BMP2K: variants seen among roughly 807,000 people sequenced by gnomAD.
BMP2K encodes the protein BMP-2-inducible protein kinase.
In BMP2K, 74 loss-of-function variants were observed where a neutral mutation model predicts 116.0. The ratio of observed to expected loss-of-function variants is 0.64; its 90% CI spans 0.53 to 0.77. The LOEUF is 0.77. Among genes scored for constraint, BMP2K ranks in the 30% least tolerant of loss-of-function variants. The pLI, the probability that BMP2K is intolerant of heterozygous loss-of-function variation, is 0.00. For synonymous variants in BMP2K, 486 were observed against 502.5 expected (o/e 0.97, Z 0.44); for missense variants, 1,365 against 1,403.6 (o/e 0.97, Z 0.44).
intron 14 of BMP2K, among the ~76,000 whole-genome samples, chr4:78,884,592 G>T (rs942226434): frequency 5.9e-5 from 9 of 152,134 alleles, no homozygotes; most frequent in Non-Finnish European, 1.0e-4. Context: ...TTATCATTCT[G>T]AGTCAGTCTC....
At chr4:78,870,717 G>T in intron 10 of BMP2K, 66 bp from the exon 11 acceptor site, 2 of 1,535,102 alleles carry the variant, frequency 1.3e-6, no homozygotes, top group East Asian at 4.5e-5. Context: ...AAATGAGCAT[G>T]TTGAAATCCA....
chr4:78,808,769 A>G (rs901265351), intron 1 of BMP2K, among the ~76,000 whole-genome samples: 24 of 151,706 alleles, frequency 1.6e-4, no homozygotes, highest in African/African-American at 5.8e-4. Flanking sequence ...GAATTTCTCA[A>G]ATTTCTTTTT....
intron 15 of BMP2K, among the ~76,000 whole-genome samples, chr4:78,900,142 C>G (rs760306137): frequency 6.6e-6 from 1 of 152,152 alleles, no homozygotes; most frequent in Non-Finnish European, 1.5e-5. Context: ...AATGTGAAGA[C>G]GATGAGGATG....
At position 78,876,604 on chromosome 4, in the gene BMP2K, A is replaced by G. The variant is rs986552033; in HGVS notation, c.1794-2130A>G. ...TAAGACCTGTTTGGTGGCAATGGCA[A>G]TGAGCTCTCAACGGTTAGGTAAATT... is the stretch of plus-strand genomic sequence containing the variant. On this transcript the variant is annotated intron_variant, in intron 13 of 15. Coordinates refer to ENST00000502613, the MANE Select transcript of BMP2K (RefSeq NM_198892.2). 4.1e-4 allele frequency among the ~76,000 whole-genome samples: 62 copies of G among 152,200 alleles called. 1 individual carries two copies. Among genetic ancestry groups the G allele is most frequent in the Admixed American group, 6.5e-5 (1 of 15,274 alleles).
intron 15 of BMP2K, among the ~76,000 whole-genome samples, chr4:78,901,107 A>G (rs1733976564): frequency 6.6e-6 from 1 of 152,152 alleles, no homozygotes; most frequent in South Asian, 2.1e-4. Context: ...CAGTGGCGTG[A>G]TCATAGGCTT....
At chr4:78,891,266 T>C (rs762724283) in intron 15 of BMP2K, among the ~76,000 whole-genome samples, 1 of 152,126 alleles carries the variant, frequency 6.6e-6, no homozygotes, top group African/African-American at 2.4e-5. Flanking sequence ...TTTCTTCTTC[T>C]TCCTCTTTTT....
intron 1 of BMP2K, among the ~76,000 whole-genome samples, chr4:78,785,442 T>A (rs1377245668): frequency 5.9e-5 from 9 of 152,090 alleles, no homozygotes; most frequent in African/African-American, 1.9e-4. Flanking sequence ...TGGAAAAAGG[T>A]CTTTTCTAAG....
intron 15 of BMP2K, among the ~76,000 whole-genome samples, chr4:78,897,196 A>ATT (rs139821509): frequency 6.6e-6 from 1 of 151,708 alleles, no homozygotes; most frequent in African/African-American, 2.4e-5. Context: ...TGTTTTTTTG[A>ATT]TTTTTTTAAG....
chr4:78,894,166 C>T (rs148608348), intron 15 of BMP2K, among the ~76,000 whole-genome samples: 8 of 152,198 alleles, frequency 5.3e-5, no homozygotes, highest in African/African-American at 1.4e-4. Flanking sequence ...TTAAGGGCCT[C>T]GAAGTTTTGG....
In BMP2K at chr4:78,911,136, C is replaced by T. The variant is rs1734573345; in HGVS notation, c.2589C>T (p.Phe863=). 5 of 1,613,896 alleles carry T rather than the reference C, an allele frequency of 3.1e-6. No individual in the cohort carries two copies. In the East Asian group the frequency reaches 8.9e-5, roughly 29 times the overall value. ...QEFDVFGAVP[F]FAVRAQQPQQ... The stretch of plus-strand genomic sequence containing the variant: ...TTGATGTATTTGGCGCTGTCCCCTT[C>T]TTTGCAGTGCGTGCTCAACAGCCCC... The change falls in exon 16 of 16, where the codon TTC becomes TTT. Residue 863 remains phenylalanine (F), a synonymous_variant. Coordinates refer to ENST00000502613, the MANE Select transcript of BMP2K (RefSeq NM_198892.2).
At chr4:78,872,899 T>A (rs752151704) in intron 13 of BMP2K, 101 bp downstream of exon 13, 3 of 1,257,662 alleles carry the variant, frequency 2.4e-6, no homozygotes, top group Non-Finnish European at 3.3e-6. Context: ...TTAGAATTTA[T>A]CTTTCTGTAG....
chr4:78,837,947 T>C (rs1422243471), intron 3 of BMP2K, among the ~76,000 whole-genome samples: 2 of 152,186 alleles, frequency 1.3e-5, no homozygotes, highest in East Asian at 3.8e-4. Context: ...CAGCTAATGT[T>C]AGTTTTAAAT....
chr4:78,837,927 C>G (rs562838873), intron 3 of BMP2K, among the ~76,000 whole-genome samples: 81 of 152,298 alleles, frequency 5.3e-4, no homozygotes, highest in African/African-American at 1.9e-3. Flanking sequence ...AAGGGCAGAA[C>G]CAGTGTGGCC....
At chr4:78,885,576 T>G (rs1253305392) in intron 14 of BMP2K, among the ~76,000 whole-genome samples, 1 of 152,202 alleles carries the variant, frequency 6.6e-6, no homozygotes, top group Non-Finnish European at 1.5e-5. Context: ...GAATTCCAAT[T>G]CTACTTGGGT....
chr4:78,914,937 C>G lies in BMP2K; in HGVS notation c.*2904C>G, dbSNP rs553271063. On this transcript the variant is annotated 3_prime_UTR_variant, in exon 16 of 16. Coordinates refer to ENST00000502613, the MANE Select transcript of BMP2K (RefSeq NM_198892.2). ...TTTGAATAATCCTTTAAAAAGTGGA[C>G]CATTTGCTTATTTTAATATCACGTC... 1.3e-5 allele frequency: 2 copies of G among 151,750 alleles called. No individual in the cohort carries two copies. Among genetic ancestry groups the G allele is most frequent in the Admixed American group, 6.6e-5 (1 of 15,220 alleles). 9.4% of individuals were successfully genotyped at this position (151,750 alleles called of 1,614,324 possible).
intron 1 of BMP2K, 138 bp from the exon 2 acceptor site, chr4:78,825,899 A>G: frequency 3.1e-6 from 2 of 643,896 alleles, no homozygotes; most frequent in Admixed American, 2.9e-5. Context: ...CATTTAATCT[A>G]CTAGTAGCTT....
intron 7 of BMP2K, among the ~76,000 whole-genome samples, chr4:78,858,973 G>T (rs1041438419): frequency 1.3e-5 from 2 of 151,820 alleles, no homozygotes; most frequent in African/African-American, 4.8e-5. Flanking sequence ...AGGTTGTTTT[G>T]AAATCTGTTC....
At chr4:78,850,080 C>T (rs1025000730) in intron 6 of BMP2K, among the ~76,000 whole-genome samples, 2 of 151,292 alleles carry the variant, frequency 1.3e-5, no homozygotes, top group Non-Finnish European at 3.0e-5. Context: ...TTGGAAATAC[C>T]CCTTACACTC....
Position 78,887,255 on chromosome 4 carries a change from T to C in BMP2K, c.2033T>C (p.Phe678Ser), listed in dbSNP as rs1181503116. 1 of 1,610,008 alleles carries C rather than the reference T, an allele frequency of 6.2e-7. No individual in the cohort carries two copies. Among genetic ancestry groups the C allele is most frequent in the African/African-American group, 1.3e-5 (1 of 74,888 alleles). ...CATAACCATCCTCCAGAAGATCCTT[T>C]TGGTTCTGTTCCTTTCATTTCTCAT... ...APHNHPPEDP[F>S]GSVPFISHSG... The change falls in exon 15 of 16, where the codon TTT becomes TCT. Residue 678 changes from phenylalanine to serine, a missense_variant. Coordinates refer to ENST00000502613, the MANE Select transcript of BMP2K (RefSeq NM_198892.2).
Sources: allele counts gnomAD v4.1 joint callset (sites outside exome capture counted in the v4.1 genomes callset), GRCh38; gene constraint gnomAD v4.1.1; transcripts MANE v1.5; gene names NCBI Gene and HGNC (gene_info 2026-07-23, HGNC 2026-07-21).